The following CACNA2D3 variants were observed in gnomAD, a reference collection of about 807,000 sequenced individuals.
CACNA2D3 encodes voltage-dependent calcium channel subunit alpha-2/delta-3.
Under a neutral mutation model 160.6 loss-of-function variants are expected in CACNA2D3, and 60 were observed. The observed-to-expected ratio is 0.37, with a 90% CI of 0.30 to 0.46. The LOEUF (loss-of-function observed/expected upper bound fraction) is 0.46, where lower values mean the gene tolerates loss of function less well. Ranked by LOEUF, CACNA2D3 falls within the 20% of genes least tolerant of loss-of-function variation. The pLI is 1.00. For synonymous variants in CACNA2D3, 558 were observed against 492.9 expected, an observed-to-expected ratio of 1.13 and a Z score of -1.75; for missense variants, 1,205 against 1,365.0, an observed-to-expected ratio of 0.88 and a Z score of 1.85.
intron 35 of CACNA2D3, among the ~76,000 whole-genome samples, chr3:55,027,189 T>C (rs1703580967): frequency 6.6e-6 from 1 of 152,246 alleles, no homozygotes; most frequent in South Asian, 2.1e-4. Context: ...TACGATTTAA[T>C]GTTTATACAA....
chr3:54,307,122 G>A (rs1195870407), intron 2 of CACNA2D3, among the ~76,000 whole-genome samples: 11 of 152,082 alleles, frequency 7.2e-5, no homozygotes, highest in Admixed American at 7.2e-4. Context: ...TTGAGTTAGT[G>A]GTGTCTGAAA....
chr3:54,218,947 A>G (rs1045062368), intron 2 of CACNA2D3, among the ~76,000 whole-genome samples: 2 of 152,032 alleles, frequency 1.3e-5, no homozygotes, highest in African/African-American at 2.4e-5. Flanking sequence ...TAATCTCCCT[A>G]TCTCAAGATC....
At chr3:54,475,930 A>G (rs987575875) in intron 4 of CACNA2D3, among the ~76,000 whole-genome samples, 1 of 151,538 alleles carries the variant, frequency 6.6e-6, no homozygotes, top group Admixed American at 6.6e-5. Context: ...GCTGTAAATT[A>G]GGTCTGCAGA....
At chr3:54,485,383 A>G (rs1226781932) in intron 4 of CACNA2D3, among the ~76,000 whole-genome samples, 1 of 152,194 alleles carries the variant, frequency 6.6e-6, no homozygotes, top group Non-Finnish European at 1.5e-5. Context: ...AAGGAACTAT[A>G]GGATGGTTGG....
intron 4 of CACNA2D3, among the ~76,000 whole-genome samples, chr3:54,476,227 A>T (rs1700828857): frequency 6.8e-6 from 1 of 147,976 alleles, no homozygotes; most frequent in South Asian, 2.1e-4. Flanking sequence ...TATATTAATT[A>T]TATTAATATA....
At chr3:54,477,814 G>T (rs901849080) in intron 4 of CACNA2D3, among the ~76,000 whole-genome samples, 12 of 152,198 alleles carry the variant, frequency 7.9e-5, no homozygotes, top group Non-Finnish European at 1.5e-4. Context: ...CTCCTTGGTG[G>T]ATCCTCAGTC....
In CACNA2D3 at chr3:55,004,863, A is replaced by G. The variant is rs757175522; in HGVS notation, c.2766+25A>G. On this transcript the variant is annotated intron_variant, in intron 32 of 37. Transcript: ENST00000474759. ...TGTAAGTACTATGCTGTCACTCAGAAAACAGCCACACATTTCTGTCTTTCT... is the reference window on the plus strand; with the variant it reads ...TGTAAGTACTATGCTGTCACTCAGAGAACAGCCACACATTTCTGTCTTTCT... 11 of 1,508,220 alleles carry G rather than the reference A, an allele frequency of 7.3e-6. No homozygotes were observed. In the South Asian group the frequency reaches 1.1e-4, roughly 15 times the overall value. The allele number at this position is 1,508,220 out of a possible 1,614,324, so 93.4% of individuals were successfully genotyped here.
At chr3:55,044,092 A>C (rs937407151) in intron 35 of CACNA2D3, among the ~76,000 whole-genome samples, 4 of 152,150 alleles carry the variant, frequency 2.6e-5, no homozygotes, top group Non-Finnish European at 1.5e-5. Context: ...ATTCTAGTAC[A>C]TTTGCCTTTC....
At chr3:54,596,802 G>C (rs4955919) in intron 9 of CACNA2D3, among the ~76,000 whole-genome samples, 5 of 151,930 alleles carry the variant, frequency 3.3e-5, no homozygotes, top group African/African-American at 1.2e-4. Flanking sequence ...TCTCCTTCCT[G>C]TTCTCCCACA....
At chr3:54,303,326 C>T (rs1042445446) in intron 2 of CACNA2D3, among the ~76,000 whole-genome samples, 1 of 152,078 alleles carries the variant, frequency 6.6e-6, no homozygotes, top group Non-Finnish European at 1.5e-5. Flanking sequence ...TCTTTTCTGA[C>T]AGTGTCAGGG....
chr3:54,488,574 A>G (rs755388956), intron 4 of CACNA2D3, among the ~76,000 whole-genome samples: 3 of 151,928 alleles, frequency 2.0e-5, no homozygotes, highest in South Asian at 2.1e-4. Flanking sequence ...TTGGCCCACT[A>G]TTGGCTGCCC....
At chr3:54,366,962 G>C (rs946248163) in intron 3 of CACNA2D3, among the ~76,000 whole-genome samples, 16 of 152,200 alleles carry the variant, frequency 1.1e-4, no homozygotes, top group African/African-American at 3.9e-4. Flanking sequence ...AGAGAGCAAA[G>C]AAAACAAGGG....
intron 35 of CACNA2D3, among the ~76,000 whole-genome samples, chr3:55,051,698 C>T (rs906361880): frequency 1.2e-4 from 18 of 152,280 alleles, no homozygotes; most frequent in Admixed American, 1.0e-3. Flanking sequence ...GCGCCCCTCC[C>T]CCAGCCTCGC....
chr3:54,855,074 C>G (rs900264388), intron 17 of CACNA2D3, among the ~76,000 whole-genome samples: 1 of 152,218 alleles, frequency 6.6e-6, no homozygotes, highest in Admixed American at 6.5e-5. Flanking sequence ...TGCAGAGCCT[C>G]TGTCAGCCTC....
rs1465157663 is a variant in CACNA2D3, at chr3:54,537,776, A to T, written c.545-25024A>T. On this transcript the variant is annotated intron_variant, in intron 5 of 37. Transcript: ENST00000474759. ...CCTGTGGTTAGGCAGCACCTACAGA[A>T]ACTGTGAGACAATGCTTGGGAAGCA... is the stretch of plus-strand genomic sequence containing the variant. 3.9e-5 allele frequency among the ~76,000 whole-genome samples: 6 copies of T among 152,242 alleles called. No homozygotes were observed. The East Asian group carries it at 1.2e-3, about 30-fold the overall frequency.
chr3:54,348,791 C>T (rs1303253519), intron 3 of CACNA2D3, among the ~76,000 whole-genome samples: 3 of 152,156 alleles, frequency 2.0e-5, no homozygotes, highest in African/African-American at 2.4e-5. Flanking sequence ...GGCTGTGGCA[C>T]GATCCCCACT....
At chr3:54,689,649 C>T (rs1290580607) in intron 11 of CACNA2D3, among the ~76,000 whole-genome samples, 3 of 152,106 alleles carry the variant, frequency 2.0e-5, no homozygotes, top group Admixed American at 2.0e-4. Context: ...TCCTTGAAGA[C>T]TCTTTCTCTC....
At chr3:54,313,276 G>A (rs1463692324) in intron 2 of CACNA2D3, among the ~76,000 whole-genome samples, 1 of 152,076 alleles carries the variant, frequency 6.6e-6, no homozygotes, top group African/African-American at 2.4e-5. Context: ...AACCCTTGAT[G>A]TCTCTCCAGG....
intron 2 of CACNA2D3, among the ~76,000 whole-genome samples, chr3:54,257,683 A>G (rs1325472773): frequency 6.6e-6 from 1 of 152,208 alleles, no homozygotes; most frequent in Non-Finnish European, 1.5e-5. Context: ...ACATTAAAGC[A>G]AGAAAACCTT....
Sources: allele counts gnomAD v4.1 joint callset (sites outside exome capture counted in the v4.1 genomes callset), GRCh38; gene constraint gnomAD v4.1.1; transcripts MANE v1.5; gene names NCBI Gene and HGNC (gene_info 2026-07-23, HGNC 2026-07-21).